The following ZNF536 variants were observed in gnomAD, a reference collection of about 807,000 sequenced individuals.
ZNF536 encodes zinc finger protein 536.
ZNF536 carries 13 observed loss-of-function variants against 84.5 expected under a neutral mutation model. That is an observed-to-expected ratio of 0.15 (90% CI 0.10 to 0.24). The LOEUF (loss-of-function observed/expected upper bound fraction) is 0.24. Among genes scored for constraint, ZNF536 ranks in the 10% least tolerant of loss-of-function variants. The pLI is 1.00. For missense variants in ZNF536, 1,536 were observed against 1,747.5 expected (o/e 0.88, Z 2.16); for synonymous variants, 811 against 742.5 (o/e 1.09, Z -1.50).
intron 1 of ZNF536, among the ~76,000 whole-genome samples, chr19:30,566,118 G>C (rs759684759): frequency 6.6e-6 from 1 of 152,232 alleles, no homozygotes; most frequent in Non-Finnish European, 1.5e-5. Context: ...ATCAGTCGTG[G>C]CCTTTGGGCA....
chr19:30,539,841 G>T (rs1223439001), intron 3 of ZNF536, among the ~76,000 whole-genome samples: 2 of 152,204 alleles, frequency 1.3e-5, no homozygotes, highest in Non-Finnish European at 2.9e-5. Context: ...CGGGACTCCT[G>T]GCTGGGTTCC....
At chr19:30,226,971 G>C (rs1185964152), upstream of ZNF536, among the ~76,000 whole-genome samples, 1 of 148,562 alleles carries the variant, frequency 6.7e-6, no homozygotes, top group Non-Finnish European at 1.5e-5. The surrounding 1 kb of genome is among the most constrained non-coding windows in gnomAD (Gnocchi z 4.6). Flanking sequence ...GGCGAGACTC[G>C]GGGTGTATTT....
chr19:30,420,655 C>T (rs1196775196), intron 1 of ZNF536, among the ~76,000 whole-genome samples: 1 of 151,988 alleles, frequency 6.6e-6, no homozygotes, highest in Non-Finnish European at 1.5e-5. Flanking sequence ...AAAGAAAATC[C>T]TAAATTCTCT....
At chr19:30,631,116 C>A (rs978641579) in intron 1 of ZNF536, among the ~76,000 whole-genome samples, 5 of 152,174 alleles carry the variant, frequency 3.3e-5, no homozygotes, top group African/African-American at 7.2e-5. Context: ...CACTCCCGAC[C>A]GGCTCTCTGG....
At chr19:30,493,258 A>G in intron 2 of ZNF536, among the ~76,000 whole-genome samples, 1 of 151,918 alleles carries the variant, frequency 6.6e-6, no homozygotes, top group Non-Finnish European at 1.5e-5. Context: ...GTCACCAGCC[A>G]TATTTATTGG....
At chr19:30,514,712 T>C (rs1214803953) in intron 2 of ZNF536, among the ~76,000 whole-genome samples, 1 of 152,024 alleles carries the variant, frequency 6.6e-6, no homozygotes, top group Non-Finnish European at 1.5e-5. Flanking sequence ...CCATGCTGCA[T>C]GCACAAAGCA....
At chr19:30,275,647 T>G (rs2026086071) in intron 1 of ZNF536, among the ~76,000 whole-genome samples, 1 of 152,142 alleles carries the variant, frequency 6.6e-6, no homozygotes, top group African/African-American at 2.4e-5. Flanking sequence ...GACACAGAAC[T>G]TTGGGGCTAG....
intron 1 of ZNF536, among the ~76,000 whole-genome samples, chr19:30,590,991 G>T (rs371352081): frequency 6.6e-6 from 1 of 152,230 alleles, no homozygotes; most frequent in East Asian, 1.9e-4. Context: ...ACTGGCCTGT[G>T]CATGGCCCAG....
At chr19:30,646,764 G>A (rs2049487173) in intron 1 of ZNF536, among the ~76,000 whole-genome samples, 1 of 152,100 alleles carries the variant, frequency 6.6e-6, no homozygotes, top group Non-Finnish European at 1.5e-5. Context: ...TATTGCCCTT[G>A]TTGTATCAAC....
intron 2 of ZNF536, among the ~76,000 whole-genome samples, chr19:30,326,748 C>T (rs373565698): frequency 4.1e-5 from 5 of 122,506 alleles, no homozygotes; most frequent in Admixed American, 1.8e-4. Context: ...TGGAAAGACA[C>T]GCGATGATTT....
intron 1 of ZNF536, among the ~76,000 whole-genome samples, chr19:30,379,942 A>G (rs2048960417): frequency 6.6e-6 from 1 of 152,078 alleles, no homozygotes; most frequent in Non-Finnish European, 1.5e-5. Context: ...GAGGCTTTTG[A>G]TCTGTGAATG....
chr19:30,658,454 A>G (rs2049999973), intron 1 of ZNF536, among the ~76,000 whole-genome samples: 1 of 152,114 alleles, frequency 6.6e-6, no homozygotes, highest in African/African-American at 2.4e-5. Flanking sequence ...CGATCTTTAA[A>G]TCGGTATCCC....
chr19:30,628,378 G>A (rs947901066), intron 1 of ZNF536, among the ~76,000 whole-genome samples: 13 of 151,336 alleles, frequency 8.6e-5, no homozygotes, highest in Admixed American at 7.2e-4. Context: ...CACCGAGGAG[G>A]ACAGAAAACA....
chr19:30,261,281 G>C (rs1481628418), intron 1 of ZNF536, among the ~76,000 whole-genome samples: 1 of 108,590 alleles, frequency 9.2e-6, no homozygotes, highest in Non-Finnish European at 1.7e-5. Context: ...CTGGGCGACA[G>C]AGCGAGACTC....
chr19:30,644,312 G>T (rs2049379526), intron 1 of ZNF536, among the ~76,000 whole-genome samples: 1 of 151,872 alleles, frequency 6.6e-6, no homozygotes, highest in African/African-American at 2.4e-5. Context: ...TTGGTTTAAA[G>T]TATGTACGTC....
At chr19:30,441,684 G>T (rs765234128) in intron 1 of ZNF536, among the ~76,000 whole-genome samples, 2 of 152,212 alleles carry the variant, frequency 1.3e-5, no homozygotes, top group Non-Finnish European at 1.5e-5. Context: ...AAAAAGGAAA[G>T]ATGACAAGCT....
At chr19:30,388,612 A>G (rs916426387) in intron 1 of ZNF536, among the ~76,000 whole-genome samples, 2 of 152,046 alleles carry the variant, frequency 1.3e-5, no homozygotes, top group Admixed American at 6.5e-5. Context: ...ACTTGGGGGA[A>G]TTTTCCAGGG....
At chr19:30,339,543 C>T (rs957076917) in intron 2 of ZNF536, among the ~76,000 whole-genome samples, 45 of 152,236 alleles carry the variant, frequency 3.0e-4, no homozygotes, top group Middle Eastern at 3.4e-3. Flanking sequence ...CAGGGCTTGC[C>T]TACCCTCGGG....
At chr19:30,707,066 G>A (rs2052269372) in intron 1 of ZNF536, among the ~76,000 whole-genome samples, 1 of 152,092 alleles carries the variant, frequency 6.6e-6, no homozygotes, top group Non-Finnish European at 1.5e-5. Flanking sequence ...CTCTCTCAGT[G>A]AGTCCTGGGC....
Sources: gnomAD v4.1 joint callset for allele counts (sites outside exome capture counted in the v4.1 genomes callset) on GRCh38, gnomAD v4.1.1 for gene constraint, Gnocchi (gnomAD v3.1) non-coding constraint, MANE v1.5 for transcripts, NCBI Gene and HGNC (gene_info 2026-07-23, HGNC 2026-07-21) for gene names.